Variants in CACNA1S observed in about 807,000 individuals in gnomAD.
CACNA1S encodes the protein calcium voltage-gated channel subunit alpha1 S.
Under a neutral mutation model 207.4 loss-of-function variants are expected in CACNA1S, and 126 were observed. The observed-to-expected ratio is 0.61, with a 90% CI of 0.53 to 0.70. The LOEUF is 0.70. Ranked by LOEUF, CACNA1S falls within the 30% of genes least tolerant of loss-of-function variation. The probability of loss-of-function intolerance (pLI) is 0.00; values close to 1 mark genes in which losing one functional copy is unlikely to be tolerated. For missense variants in CACNA1S, 2,349 were observed against 2,422.8 expected (o/e 0.97, Z 0.64); for synonymous variants, 960 against 932.7 (o/e 1.03, Z -0.53).
At chr1:201,085,299 C>T (rs1361947962) in intron 8 of CACNA1S, 137 bp downstream of exon 8, 2 of 1,189,352 alleles carry the variant, frequency 1.7e-6, no homozygotes, top group Non-Finnish European at 1.3e-6. Context: ...CCATTTTGAG[C>T]CATTTTGCTT....
chr1:201,079,716 A>G (rs892733934), intron 10 of CACNA1S, among the ~76,000 whole-genome samples: 48 of 152,290 alleles, frequency 3.2e-4, no homozygotes, highest in African/African-American at 1.1e-3. Context: ...CCAAACATTG[A>G]AAGGAACTGG....
intron 28 of CACNA1S, among the ~76,000 whole-genome samples, chr1:201,057,069 G>T (rs1660873000): frequency 6.6e-6 from 1 of 152,234 alleles, no homozygotes; most frequent in Non-Finnish European, 1.5e-5. Context: ...CAGCCACAGT[G>T]ATTGTTTTAG....
chr1:201,042,073 C>G (rs1558050441), intron 40 of CACNA1S: 1 of 211,216 alleles, frequency 4.7e-6, no homozygotes, highest in Non-Finnish European at 9.7e-6. Context: ...TGATCCATAC[C>G]CCCTCTGCAC....
In CACNA1S at chr1:201,051,079, G is replaced by T; in HGVS notation, c.4018C>A (p.Pro1340Thr). 6.2e-7 allele frequency: 1 copy of T among 1,614,218 alleles called. No homozygotes were observed. The highest frequency in any genetic ancestry group is 8.5e-7 in the Non-Finnish European group (1 of 1,180,024). ...LACSYGKLCD[P>T]ESDYAPGEEY... Reference sequence around the variant, plus strand: ...TCCCCTGGGGCATAGTCCGACTCTGGGTCACACAGCTTCCCATAGCTGCAG... The same window carrying T: ...TCCCCTGGGGCATAGTCCGACTCTGTGTCACACAGCTTCCCATAGCTGCAG... The change falls in exon 33 of 44, where the codon CCA becomes ACA. Residue 1340 changes from proline (P) to threonine (T), a missense_variant. By Grantham distance (38) the Pro-to-Thr change is conservative (BLOSUM62 -1). Coordinates refer to ENST00000362061, the MANE Select transcript of CACNA1S (RefSeq NM_000069.3).
chr1:201,087,971 G>A, intron 6 of CACNA1S, 42 bp from the exon 7 acceptor site: 1 of 1,359,262 alleles, frequency 7.4e-7, no homozygotes, highest in Non-Finnish European at 1.0e-6. Context: ...TGAGGGCTTG[G>A]TTCCTCTTCC....
At chr1:201,076,377 T>C (rs548640687) in intron 12 of CACNA1S, among the ~76,000 whole-genome samples, 1 of 152,190 alleles carries the variant, frequency 6.6e-6, no homozygotes, top group South Asian at 2.1e-4. Flanking sequence ...TATGGGCCAC[T>C]CCAGAGAGGA....
intron 14 of CACNA1S, 91 bp from the exon 15 acceptor site, chr1:201,073,733 A>G: frequency 1.0e-6 from 1 of 987,246 alleles, no homozygotes; most frequent in Admixed American, 1.7e-5. Context: ...TCCCACACCA[A>G]GGGCTCCAGG....
intron 22 of CACNA1S, 45 bp downstream of exon 22, chr1:201,065,793 G>T (rs752922548): frequency 1.5e-6 from 2 of 1,351,572 alleles, no homozygotes; most frequent in Non-Finnish European, 2.1e-6. Flanking sequence ...TGGGCACCAG[G>T]GCTGGGAGCG....
At chr1:201,092,649 G>A (rs3820423) in intron 3 of CACNA1S, among the ~76,000 whole-genome samples, 27,659 of 152,110 alleles carry the variant, frequency 0.18, 2,815 homozygotes, top group African/African-American at 0.27. Context: ...TACTTCTAAC[G>A]GCAGAACTCC....
rs80000595 is a variant in CACNA1S at position 201,098,519 on chromosome 1, C to T, written c.259-4498G>A. On this transcript the variant is annotated intron_variant, in intron 2 of 43. Coordinates refer to ENST00000362061, the MANE Select transcript of CACNA1S (RefSeq NM_000069.3). The stretch of plus-strand genomic sequence containing the variant: ...ATGATGGAGTAGAAATTAAAAACGA[C>T]GAACTGTGGTCTTTCCCTACAGATC... 7.7e-3 allele frequency among the ~76,000 whole-genome samples: 1,178 copies of T among 152,018 alleles called. 19 individuals are homozygous for T. Among genetic ancestry groups the T allele is most frequent in the African/African-American group, 0.027 (1,116 of 41,456 alleles).
rs1428214499 is a variant in CACNA1S at position 201,070,305 on chromosome 1, G to A, written c.2327C>T (p.Ala776Val). 2 of 1,614,072 alleles carry A rather than the reference G, an allele frequency of 1.2e-6. No homozygotes were observed. Among genetic ancestry groups the A allele is most frequent in the Non-Finnish European group, 1.7e-6 (2 of 1,180,022 alleles). ...LKEKAVPIPE[A>V]SSFFIFSPTN... Reference sequence around the variant, plus strand: ...GGGGCTGAAGATGAAGAAGGAGCTGGCTTCTGGAATGGGCACGGCCTTCTC... The same window carrying A: ...GGGGCTGAAGATGAAGAAGGAGCTGACTTCTGGAATGGGCACGGCCTTCTC... Residue 776 changes from alanine (A) to valine (V), a missense_variant, in exon 17 of 44, where the codon GCC (alanine) becomes GTC (valine). Coordinates refer to ENST00000362061, the MANE Select transcript of CACNA1S (RefSeq NM_000069.3).
In CACNA1S at chr1:201,083,145, A is replaced by G. The variant is rs373849762; in HGVS notation, c.1393+17T>C. ...CCACATGTGCCCTCCTCCCGGCTTCACTCCGTTCCGCCTCACCTTGCAAAC... is the reference window on the plus strand; with the variant it reads ...CCACATGTGCCCTCCTCCCGGCTTCGCTCCGTTCCGCCTCACCTTGCAAAC... On this transcript the variant is annotated intron_variant, in intron 10 of 43. Coordinates refer to ENST00000362061, the MANE Select transcript of CACNA1S (RefSeq NM_000069.3). 6.2e-7 allele frequency: 1 copy of G among 1,611,784 alleles called. No homozygotes were observed. Among genetic ancestry groups the G allele is most frequent in the African/African-American group, 1.3e-5 (1 of 74,850 alleles).
At chr1:201,076,880 C>A (rs1418127998) in intron 12 of CACNA1S, 40 bp downstream of exon 12, 2 of 1,570,796 alleles carry the variant, frequency 1.3e-6, no homozygotes, top group Admixed American at 1.7e-5. Context: ...CAGGATTCAG[C>A]AACCGTTCAG....
At chr1:201,087,184 A>G (rs1662063274) in intron 7 of CACNA1S, among the ~76,000 whole-genome samples, 1 of 151,996 alleles carries the variant, frequency 6.6e-6, no homozygotes, top group Non-Finnish European at 1.5e-5. Context: ...TTTGTGCTGG[A>G]CTCTGTTCTA....
chr1:201,112,331 TG>T lies in CACNA1S; in HGVS notation c.8del (p.Pro3HisfsTer9). On this transcript the variant is annotated frameshift_variant, in exon 1 of 44. Coordinates refer to ENST00000362061, the MANE Select transcript of CACNA1S (RefSeq NM_000069.3). LOFTEE classifies it high-confidence loss of function. The stretch of plus-strand genomic sequence containing the variant: ...TCAGGCCTTCATCCTGGGGTGAGGA[TG>T]GCTCCATGGCTTCCCTGGGAATCTG... ME[P>X]SSPQDEGLRK... 1 of 1,613,656 alleles carries T rather than the reference TG, an allele frequency of 6.2e-7. No individual in the cohort carries two copies.
Position 201,069,558 on chromosome 1 carries a change from T to C in CACNA1S, c.2404A>G (p.Thr802Ala). 1.3e-6 allele frequency: 2 copies of C among 1,573,772 alleles called. No homozygotes were observed. Among genetic ancestry groups the C allele is most frequent in the Non-Finnish European group, 1.7e-6 (2 of 1,159,796 alleles). The change falls in exon 18 of 44, where the codon ACC becomes GCC. Residue 802 changes from threonine (T) to alanine (A), a missense_variant. Transcript: ENST00000362061. ...AGGATGAAGAGCAGGATGAAGTTGG[T>C]AAACCAGGTGGCATTGACGATGCGG... Reference protein sequence around the residue: ...CHRIVNATWFTNFILLFILLS... With the variant: ...CHRIVNATWFANFILLFILLS...
At chr1:201,046,362 G>A (rs957429431) in intron 38 of CACNA1S, among the ~76,000 whole-genome samples, 3 of 152,090 alleles carry the variant, frequency 2.0e-5, no homozygotes, top group South Asian at 2.1e-4. Context: ...TGTAATTTTA[G>A]TAGAGATGGG....
chr1:201,041,780 T>C, intron 40 of CACNA1S, 191 bp from the exon 41 acceptor site: 1 of 656,988 alleles, frequency 1.5e-6, no homozygotes, highest in Non-Finnish European at 2.8e-6. Context: ...GAGGAAGGAG[T>C]CCAGAGCATT....
At chr1:201,084,252 A>G (rs1195434532) in intron 9 of CACNA1S, among the ~76,000 whole-genome samples, 1 of 152,188 alleles carries the variant, frequency 6.6e-6, no homozygotes, top group African/African-American at 2.4e-5. Flanking sequence ...TAGTTAACAT[A>G]AACAACCCCA....
Sources: gnomAD v4.1 joint callset for allele counts (sites outside exome capture counted in the v4.1 genomes callset) on GRCh38, gnomAD v4.1.1 for gene constraint, MANE v1.5 for transcripts, NCBI Gene and HGNC (gene_info 2026-07-23, HGNC 2026-07-21) for gene names.